NTNG1: variants seen among roughly 807,000 people sequenced by gnomAD.
NTNG1 encodes the protein netrin-G1.
A neutral mutation model predicts 54.0 loss-of-function variants in NTNG1; 16 were observed. The observed-to-expected ratio is 0.30, with a 90% CI of 0.20 to 0.45. The LOEUF (loss-of-function observed/expected upper bound fraction) is 0.45, where lower values mean the gene tolerates loss of function less well. Among genes scored for constraint, NTNG1 ranks in the 20% least tolerant of loss-of-function variants. NTNG1 has a pLI of 1.00. For synonymous variants in NTNG1, 255 were observed against 263.1 expected, an observed-to-expected ratio of 0.97 and a Z score of 0.30; for missense variants, 530 against 678.7, an observed-to-expected ratio of 0.78 and a Z score of 2.43.
intron 7 of NTNG1, among the ~76,000 whole-genome samples, chr1:107,446,789 T>A (rs1676331921): frequency 6.6e-6 from 1 of 152,084 alleles, no homozygotes; most frequent in Admixed American, 6.6e-5. Context: ...CAGTTATCCA[T>A]TGCTACAAGG....
chr1:107,359,114 G>T (rs983778741), intron 3 of NTNG1, among the ~76,000 whole-genome samples: 5 of 152,198 alleles, frequency 3.3e-5, no homozygotes, highest in African/African-American at 1.2e-4. Context: ...GAGCTATAGA[G>T]ATTTGGACAC....
chr1:107,318,731 G>A (rs1037906241), intron 2 of NTNG1, among the ~76,000 whole-genome samples: 6 of 152,072 alleles, frequency 3.9e-5, no homozygotes, highest in African/African-American at 9.7e-5. Flanking sequence ...TCCAATGGGG[G>A]GTCTTGGAAC....
intron 3 of NTNG1, among the ~76,000 whole-genome samples, chr1:107,389,033 C>G (rs1441663353): frequency 1.3e-5 from 2 of 152,190 alleles, no homozygotes; most frequent in Non-Finnish European, 2.9e-5. Context: ...AACTTACTTC[C>G]TTTGGGGATG....
chr1:107,464,680 T>C (rs759642339), intron 7 of NTNG1, among the ~76,000 whole-genome samples: 4 of 152,156 alleles, frequency 2.6e-5, no homozygotes, highest in Admixed American at 6.5e-5. Context: ...TGTTTGTCCA[T>C]GCAGGTCTTA....
At chr1:107,161,647 T>G (rs1206704772) in intron 2 of NTNG1, among the ~76,000 whole-genome samples, 2 of 143,142 alleles carry the variant, frequency 1.4e-5, no homozygotes. Flanking sequence ...GGTGACAGAG[T>G]GAAACTGTGT....
intron 2 of NTNG1, among the ~76,000 whole-genome samples, chr1:107,179,281 C>CTTAA (rs1445288180): frequency 6.6e-6 from 1 of 152,180 alleles, no homozygotes; most frequent in Non-Finnish European, 1.5e-5. Context: ...ATCCAAAAGA[C>CTTAA]TTAAACCTTT....
chr1:107,189,438 G>T (rs1657730590), intron 2 of NTNG1, among the ~76,000 whole-genome samples: 1 of 141,240 alleles, frequency 7.1e-6, no homozygotes, highest in Non-Finnish European at 1.5e-5. Flanking sequence ...TTTTTTAAAG[G>T]AAAATAAACA....
chr1:107,411,283 C>G (rs550772703), intron 5 of NTNG1, among the ~76,000 whole-genome samples: 6 of 152,248 alleles, frequency 3.9e-5, no homozygotes, highest in Non-Finnish European at 7.4e-5. Context: ...GTCTTCATCA[C>G]AGAGTTAAAA....
At chr1:107,271,200 T>A (rs997388392) in intron 2 of NTNG1, among the ~76,000 whole-genome samples, 3 of 151,836 alleles carry the variant, frequency 2.0e-5, no homozygotes, top group Non-Finnish European at 2.9e-5. Context: ...ATTGTAAGAA[T>A]TTTTTTTTAT....
intron 6 of NTNG1, among the ~76,000 whole-genome samples, chr1:107,432,120 C>G (rs1043825995): frequency 6.6e-6 from 1 of 152,098 alleles, no homozygotes; most frequent in Admixed American, 6.5e-5. Context: ...ACTTAGAGGC[C>G]AGAAAGCTAG....
At position 107,304,493 on chromosome 1, in the gene NTNG1, A is replaced by G. The variant is rs557110218; in HGVS notation, c.247-19789A>G. Reference sequence around the variant, plus strand: ...TGGTAGATTCAGGAGAGGCACTTCCAGAAAAAGTAACTCCATTTTCTACCC... The same window carrying G: ...TGGTAGATTCAGGAGAGGCACTTCCGGAAAAAGTAACTCCATTTTCTACCC... On this transcript the variant is annotated intron_variant, in intron 2 of 7. Transcript: ENST00000370068. 2.0e-5 allele frequency among the ~76,000 whole-genome samples: 3 copies of G among 152,324 alleles called. No individual in the cohort carries two copies. In the South Asian group the frequency reaches 6.2e-4, roughly 32 times the overall value.
intron 2 of NTNG1, among the ~76,000 whole-genome samples, chr1:107,220,112 A>G (rs1660242016): frequency 6.6e-6 from 1 of 152,102 alleles, no homozygotes; most frequent in African/African-American, 2.4e-5. Context: ...CAGGGGGATT[A>G]TGGATGCCTC....
chr1:107,354,657 A>G (rs1249582029), intron 3 of NTNG1, among the ~76,000 whole-genome samples: 2 of 151,956 alleles, frequency 1.3e-5, no homozygotes, highest in Non-Finnish European at 2.9e-5. Context: ...GAAGCTCAAT[A>G]AGTTGCATGA....
chr1:107,343,563 C>A (rs7523645), intron 3 of NTNG1, among the ~76,000 whole-genome samples: 147,917 of 151,346 alleles, frequency 0.98, 72,372 homozygotes, highest in Middle Eastern at 1. Context: ...TACCTGATTT[C>A]AGATTGTGCT....
rs932731011 is a variant in NTNG1 at position 107,202,174 on chromosome 1, C to CA, written c.246+53343dup. ...TTAGACATGTCTCATAACTGGACTT[C>CA]AAAAAAAATCCAATCTGATAGAATT... On this transcript the variant is annotated intron_variant, in intron 2 of 7. Transcript: ENST00000370068. Among the ~76,000 whole-genome samples, 18 of 151,256 alleles carry CA rather than the reference C, an allele frequency of 1.2e-4. No homozygotes were observed. The East Asian group carries it at 2.3e-3, about 20-fold the overall frequency.
intron 7 of NTNG1, among the ~76,000 whole-genome samples, chr1:107,455,113 G>C (rs1676864079): frequency 6.6e-6 from 1 of 151,782 alleles, no homozygotes; most frequent in African/African-American, 2.4e-5. Flanking sequence ...GCCCAGGCTG[G>C]AGTGCAATGG....
chr1:107,232,795 A>G (rs1661161591), intron 2 of NTNG1, among the ~76,000 whole-genome samples: 1 of 152,214 alleles, frequency 6.6e-6, no homozygotes, highest in South Asian at 2.1e-4. Flanking sequence ...TTTGTAATAT[A>G]ATAGTCTAGT....
At chr1:107,232,992 G>A (rs1661172633) in intron 2 of NTNG1, among the ~76,000 whole-genome samples, 1 of 152,168 alleles carries the variant, frequency 6.6e-6, no homozygotes, top group Admixed American at 6.5e-5. Flanking sequence ...GGATAATAAT[G>A]TAATTTTTAT....
intron 7 of NTNG1, among the ~76,000 whole-genome samples, chr1:107,471,575 G>A (rs886673375): frequency 6.6e-6 from 1 of 152,314 alleles, no homozygotes; most frequent in African/African-American, 2.4e-5. Context: ...ATTGATACAG[G>A]AGAGTGCACA....
Sources: gnomAD v4.1 joint callset for allele counts (sites outside exome capture counted in the v4.1 genomes callset) on GRCh38, gnomAD v4.1.1 for gene constraint, MANE v1.5 for transcripts, NCBI Gene and HGNC (gene_info 2026-07-23, HGNC 2026-07-21) for gene names.